PRKG1: variants seen among roughly 807,000 people sequenced by gnomAD.
PRKG1 encodes the protein protein kinase cGMP-dependent 1.
PRKG1 carries 35 observed loss-of-function variants against 88.1 expected under a neutral mutation model. The observed-to-expected ratio is 0.40, with a 90% CI of 0.30 to 0.53. PRKG1 has a LOEUF of 0.53. PRKG1 is among the 20% of genes least tolerant of loss of function. PRKG1 has a pLI of 0.59. For synonymous variants in PRKG1, 303 were observed against 292.5 expected (o/e 1.04, Z -0.37); for missense variants, 540 against 839.8 (o/e 0.64, Z 4.41).
intron 4 of PRKG1, among the ~76,000 whole-genome samples, chr10:51,862,957 C>T (rs954094005): frequency 3.3e-5 from 5 of 152,096 alleles, no homozygotes; most frequent in Non-Finnish European, 5.9e-5. Flanking sequence ...TTACTGATAG[C>T]ACATAAATTT....
chr10:51,370,618 A>C (rs12262223), intron 2 of PRKG1, among the ~76,000 whole-genome samples: 6,744 of 151,962 alleles, frequency 0.044, 296 homozygotes, highest in African/African-American at 0.11. Context: ...ACCAATAGGA[A>C]TACAATGTGA....
chr10:51,016,679 T>C (rs796624255), intron 1 of PRKG1, among the ~76,000 whole-genome samples: 3 of 104,824 alleles, frequency 2.9e-5, no homozygotes, highest in South Asian at 3.3e-4. Flanking sequence ...CTTTCTTTTT[T>C]TTTTTTTTTT....
chr10:51,530,505 A>G (rs1228964022), intron 3 of PRKG1, among the ~76,000 whole-genome samples: 1 of 152,180 alleles, frequency 6.6e-6, no homozygotes, highest in African/African-American at 2.4e-5. Context: ...GGCTATTCCA[A>G]ATCACACTCT....
chr10:51,180,393 T>A (rs1837312598), intron 2 of PRKG1, among the ~76,000 whole-genome samples: 1 of 152,232 alleles, frequency 6.6e-6, no homozygotes, highest in Non-Finnish European at 1.5e-5. Context: ...TTTTGCTGTC[T>A]GCTTCCCTCC....
chr10:51,304,425 A>G (rs1840978359), intron 2 of PRKG1, among the ~76,000 whole-genome samples: 3 of 152,174 alleles, frequency 2.0e-5, no homozygotes, highest in East Asian at 3.8e-4. Context: ...TTTTAATCAT[A>G]TACTAGGGAT....
At chr10:52,037,076 G>A (rs1178355587) in intron 5 of PRKG1, among the ~76,000 whole-genome samples, 1 of 152,388 alleles carries the variant, frequency 6.6e-6, no homozygotes, top group Admixed American at 6.5e-5. Context: ...AGTCAGCCTT[G>A]GGCCAGAGTT....
intron 3 of PRKG1, among the ~76,000 whole-genome samples, chr10:51,605,435 G>C (rs1273436764): frequency 1.3e-5 from 2 of 152,178 alleles, no homozygotes; most frequent in South Asian, 4.1e-4. Context: ...CATTGCAAAG[G>C]TGGTTGCTTT....
At chr10:52,038,565 G>T (rs999970094) in intron 5 of PRKG1, among the ~76,000 whole-genome samples, 4 of 152,010 alleles carry the variant, frequency 2.6e-5, no homozygotes, top group Non-Finnish European at 4.4e-5. Context: ...AAGGAGAAGG[G>T]GTTGAGGGGT....
chr10:51,476,604 G>T lies in PRKG1; in HGVS notation c.592+8768G>T, dbSNP rs775199113. 9.5e-5 allele frequency among the ~76,000 whole-genome samples: 5 copies of T among 52,606 alleles called. No individual in the cohort carries two copies. The Admixed American group carries it at 1.2e-3, about 13-fold the overall frequency. 34.5% of individuals were successfully genotyped at this position (52,606 alleles called of 152,430 possible). ...AATTATCTTCCTAAGTGGATTATTT[G>T]TTGTTGTTGTTGTTGTTGCTTTATT... On this transcript the variant is annotated intron_variant, in intron 3 of 17. Transcript: ENST00000373980.
chr10:51,401,034 A>G (rs1346333001), intron 2 of PRKG1, among the ~76,000 whole-genome samples: 1 of 152,242 alleles, frequency 6.6e-6, no homozygotes, highest in Non-Finnish European at 1.5e-5. Flanking sequence ...ACTCTAAAAC[A>G]GTGCTGCCAA....
chr10:51,186,954 T>TTTTATATATATA lies in PRKG1; in HGVS notation c.478+33625_478+33626insTTATATATATAT, dbSNP rs1318166640. On this transcript the variant is annotated intron_variant, in intron 2 of 17. Transcript: ENST00000373980. ...AAAATGAGTTTTGCAAGGCCCTGTG[T>TTTTATATATATA]TATATATATATATATATATATATAT... Among the ~76,000 whole-genome samples, 573 of 131,220 alleles carry TTTTATATATATA rather than the reference T, an allele frequency of 4.4e-3. 6 individuals are homozygous for TTTTATATATATA. Among genetic ancestry groups the TTTTATATATATA allele is most frequent in the African/African-American group, 9.6e-3 (322 of 33,368 alleles). The allele number at this position is 131,220 out of a possible 152,430, so 86.1% of individuals were successfully genotyped here. A position where few individuals can be genotyped will look rare whatever the true frequency, so the allele number is the denominator to read the frequency against.
chr10:51,525,508 C>T (rs1404934637), intron 3 of PRKG1, among the ~76,000 whole-genome samples: 1 of 152,012 alleles, frequency 6.6e-6, no homozygotes, highest in Non-Finnish European at 1.5e-5. Flanking sequence ...ACCATCCTGA[C>T]TAACATGGTG....
At chr10:52,171,223 C>T (rs1445035272) in intron 9 of PRKG1, among the ~76,000 whole-genome samples, 2 of 149,086 alleles carry the variant, frequency 1.3e-5, no homozygotes, top group Non-Finnish European at 3.0e-5. Context: ...CTTAAGACAA[C>T]TTGGTCTTGA....
rs766226389 is a variant in PRKG1 at position 51,074,707 on chromosome 10, C to A, written c.117C>A (p.Ile39=). Residue 39 remains isoleucine (I), a synonymous_variant, in exon 1 of 18, where the codon ATC becomes ATA. Transcript: ENST00000373980. ...ELELDQKDEL[I]QKLQNELDKY... is the part of the protein sequence containing the mutation. ...AGTTGGATCAGAAGGACGAACTGAT[C>A]CAGAAGCTGCAGAACGAGCTGGACA... is the stretch of plus-strand genomic sequence containing the variant. 1 of 1,613,826 alleles carries A rather than the reference C, an allele frequency of 6.2e-7. No homozygotes were observed. The highest frequency in any genetic ancestry group is 1.7e-5 in the Admixed American group (1 of 59,978).
At chr10:51,014,313 A>C (rs1322882599) in intron 1 of PRKG1, among the ~76,000 whole-genome samples, 15 of 129,136 alleles carry the variant, frequency 1.2e-4, no homozygotes, top group Admixed American at 7.2e-4. Context: ...GCATGCAGGC[A>C]TTCTCTTTTT....
At chr10:52,216,100 A>G (rs533926880) in intron 9 of PRKG1, among the ~76,000 whole-genome samples, 1 of 152,364 alleles carries the variant, frequency 6.6e-6, no homozygotes, top group East Asian at 1.9e-4. Context: ...GAGAGCTAGC[A>G]GACTTGGGAG....
chr10:51,038,646 T>G (rs1843382748), intron 1 of PRKG1, among the ~76,000 whole-genome samples: 1 of 152,210 alleles, frequency 6.6e-6, no homozygotes, highest in Admixed American at 6.5e-5. Context: ...TCCATGTTCT[T>G]GCAAATGACT....
At chr10:52,290,707 C>T (rs10762676) in intron 17 of PRKG1, among the ~76,000 whole-genome samples, 114,537 of 151,778 alleles carry the variant, frequency 0.75, 44,260 homozygotes, top group African/African-American at 0.92. Context: ...AAAGAAAATA[C>T]TAGCCAGGTG....
intron 1 of PRKG1, among the ~76,000 whole-genome samples, chr10:50,998,614 G>T (rs1472542432): frequency 6.6e-6 from 1 of 151,778 alleles, no homozygotes; most frequent in East Asian, 1.9e-4. Context: ...CAGGCATGGT[G>T]GCACATGCCT....
Sources: allele counts gnomAD v4.1 joint callset (sites outside exome capture counted in the v4.1 genomes callset), GRCh38; gene constraint gnomAD v4.1.1; transcripts MANE v1.5; gene names NCBI Gene and HGNC (gene_info 2026-07-23, HGNC 2026-07-21).